MEGF11: variants seen among roughly 807,000 people sequenced by gnomAD.
The protein encoded by MEGF11 is multiple EGF like domains 11.
In MEGF11, 126 loss-of-function variants were observed where a neutral mutation model predicts 146.6. That is an observed-to-expected ratio of 0.86 (90% confidence interval 0.74 to 1.00). The LOEUF is 1.00. Among genes scored for constraint, MEGF11 ranks in the 50% least tolerant of loss-of-function variants. The probability of loss-of-function intolerance (pLI) is 0.00; values close to 1 mark genes in which losing one functional copy is unlikely to be tolerated. For synonymous variants in MEGF11, 532 were observed against 583.4 expected (o/e 0.91, Z 1.27); for missense variants, 1,509 against 1,521.2 (o/e 0.99, Z 0.13).
intron 10 of MEGF11, among the ~76,000 whole-genome samples, chr15:65,947,646 T>G (rs1179689031): frequency 6.6e-6 from 1 of 152,180 alleles, no homozygotes. Context: ...GCTTCTCTGA[T>G]TTGTGGCCCT....
chr15:66,155,057 C>T (rs1193197054), intron 1 of MEGF11, among the ~76,000 whole-genome samples: 2 of 152,222 alleles, frequency 1.3e-5, no homozygotes, highest in Non-Finnish European at 2.9e-5. Flanking sequence ...TATTCAGATG[C>T]TGTTGGCCAA....
At chr15:65,930,147 T>C (rs1349473489) in intron 11 of MEGF11, among the ~76,000 whole-genome samples, 1 of 152,194 alleles carries the variant, frequency 6.6e-6, no homozygotes. Context: ...CCAGCTCAGG[T>C]GGGGAGTGCT....
chr15:65,947,230 C>T (rs1033134543), intron 10 of MEGF11, among the ~76,000 whole-genome samples: 2 of 151,848 alleles, frequency 1.3e-5, no homozygotes, highest in Non-Finnish European at 2.9e-5. Flanking sequence ...ATGGAATTAT[C>T]GGCACTAATG....
At chr15:66,049,114 A>G (rs1052106858) in intron 5 of MEGF11, among the ~76,000 whole-genome samples, 1 of 152,158 alleles carries the variant, frequency 6.6e-6, no homozygotes, top group Admixed American at 6.5e-5. Context: ...AAGTCACAGC[A>G]TAAGCTGGAG....
At position 65,945,654 on chromosome 15, in the gene MEGF11, G is replaced by A. The variant is rs141998196; in HGVS notation, c.1287+11893C>T. Among the ~76,000 whole-genome samples, 337 of 152,304 alleles carry A rather than the reference G, an allele frequency of 2.2e-3. 1 individual carries two copies. Among genetic ancestry groups the A allele is most frequent in the Non-Finnish European group, 3.6e-3 (242 of 68,012 alleles). On this transcript the variant is annotated intron_variant, in intron 10 of 25. Coordinates refer to ENST00000395614, the MANE Select transcript of MEGF11 (RefSeq NM_001385028.1). ...TTTTGTATTGGAGAACAGTGATACGGATGGACAGCGTGGTGACTGGGCACT... is the reference window on the plus strand; with the variant it reads ...TTTTGTATTGGAGAACAGTGATACGAATGGACAGCGTGGTGACTGGGCACT...
At chr15:66,060,515 C>T (rs1342575619) in intron 5 of MEGF11, among the ~76,000 whole-genome samples, 2 of 152,200 alleles carry the variant, frequency 1.3e-5, no homozygotes, top group South Asian at 4.1e-4. Flanking sequence ...GTAGCCTTCT[C>T]CTCTCTGCAG....
intron 4 of MEGF11, among the ~76,000 whole-genome samples, chr15:66,098,193 G>A (rs11633590): frequency 0.2 from 30,344 of 152,004 alleles, 3,196 homozygotes; most frequent in East Asian, 0.39. Flanking sequence ...TAAGCAGGCC[G>A]GGACCCAGGA....
At chr15:66,216,266 G>T (rs951387016) in intron 1 of MEGF11, among the ~76,000 whole-genome samples, 4 of 152,150 alleles carry the variant, frequency 2.6e-5, no homozygotes, top group Non-Finnish European at 4.4e-5. Context: ...TTGAAATTAT[G>T]CACTGTCCAA....
chr15:66,187,387 C>T (rs560102765), intron 1 of MEGF11, among the ~76,000 whole-genome samples: 1 of 152,308 alleles, frequency 6.6e-6, no homozygotes, highest in Admixed American at 6.5e-5. Context: ...AGCTCCCTGT[C>T]CACTGGGGCA....
chr15:66,135,238 G>C (rs1276100911), intron 1 of MEGF11, among the ~76,000 whole-genome samples: 1 of 152,006 alleles, frequency 6.6e-6, no homozygotes, highest in Middle Eastern at 3.2e-3. Context: ...AATTTCTAAG[G>C]AACTGGAAGA....
intron 1 of MEGF11, among the ~76,000 whole-genome samples, chr15:66,170,667 G>A (rs1175084415): frequency 6.6e-6 from 1 of 152,174 alleles, no homozygotes; most frequent in Non-Finnish European, 1.5e-5. Context: ...TCTTATTATT[G>A]TCGTCATCCC....
At chr15:66,219,605 GC>G (rs1243825275) in intron 1 of MEGF11, among the ~76,000 whole-genome samples, 1 of 152,120 alleles carries the variant, frequency 6.6e-6, no homozygotes, top group African/African-American at 2.4e-5. Flanking sequence ...CTCATACATT[GC>G]TGATGGGAAT....
At chr15:65,970,382 C>T (rs143245140) in intron 8 of MEGF11, among the ~76,000 whole-genome samples, 171 bp downstream of exon 8, 489 of 152,210 alleles carry the variant, frequency 3.2e-3, no homozygotes, top group Non-Finnish European at 4.6e-3. Context: ...CTCTGCAGGC[C>T]GAGGGTGAGG....
intron 1 of MEGF11, among the ~76,000 whole-genome samples, chr15:66,166,756 C>A (rs533425146): frequency 2.8e-4 from 43 of 152,176 alleles, no homozygotes; most frequent in African/African-American, 1.0e-3. Flanking sequence ...TCATTCAAGT[C>A]ATCGTCTCTG....
intron 15 of MEGF11, among the ~76,000 whole-genome samples, chr15:65,918,799 C>T (rs777780014): frequency 2.0e-5 from 3 of 152,246 alleles, no homozygotes; most frequent in Non-Finnish European, 4.4e-5. Flanking sequence ...TTTCCTCAGT[C>T]AGGCTGCAAA....
At position 66,008,415 on chromosome 15, in the gene MEGF11, A is replaced by G. The variant is rs1037029450; in HGVS notation, c.395-25927T>C. Among the ~76,000 whole-genome samples the G allele has an allele frequency of 4.0e-3, 286 of 72,404 alleles. 3 individuals are homozygous for G. Among genetic ancestry groups the G allele is most frequent in the African/African-American group, 0.012 (266 of 22,350 alleles). The allele number at this position is 72,404 out of a possible 152,430, so 47.5% of individuals were successfully genotyped here. Reference sequence around the variant, plus strand: ...CACACATGCACACGCGCGCGCGCACACACACACACACACACACACACACAC... The same window carrying G: ...CACACATGCACACGCGCGCGCGCACGCACACACACACACACACACACACAC... On this transcript the variant is annotated intron_variant, in intron 5 of 25. Transcript: ENST00000395614.
At position 65,906,287 on chromosome 15, in the gene MEGF11, G is replaced by A; in HGVS notation, c.2999-146C>T. 4.9e-6 allele frequency: 3 copies of A among 616,836 alleles called. No individual in the cohort carries two copies. The Admixed American group carries it at 9.0e-5, about 19-fold the overall frequency. The allele number at this position is 616,836 out of a possible 1,614,324, so 38.2% of individuals were successfully genotyped here. On this transcript the variant is annotated intron_variant, in intron 23 of 25. Transcript: ENST00000395614. The stretch of plus-strand genomic sequence containing the variant: ...TTGTTTATTGCTAGAAAATGATTCT[G>A]GGGGTTTAATCTACCTGAAATTGTT...
chr15:65,994,941 G>A (rs954393546), intron 5 of MEGF11, among the ~76,000 whole-genome samples: 4 of 152,264 alleles, frequency 2.6e-5, no homozygotes, highest in African/African-American at 9.6e-5. Flanking sequence ...TCCAGACTGG[G>A]TGGGGCTTAA....
chr15:66,099,269 G>A (rs934961596), intron 4 of MEGF11, among the ~76,000 whole-genome samples: 3 of 132,680 alleles, frequency 2.3e-5, no homozygotes, highest in African/African-American at 8.8e-5. Flanking sequence ...TGCAACCTCT[G>A]CCTCCCAGGT....
Sources: gnomAD v4.1 joint callset for allele counts (sites outside exome capture counted in the v4.1 genomes callset) on GRCh38, gnomAD v4.1.1 for gene constraint, MANE v1.5 for transcripts, NCBI Gene and HGNC (gene_info 2026-07-23, HGNC 2026-07-21) for gene names.